The following USP50 variants were observed in gnomAD, a reference collection of about 807,000 sequenced individuals.
USP50 encodes the protein ubiquitin carboxyl-terminal hydrolase 50.
A neutral mutation model predicts 39.2 loss-of-function variants in USP50; 37 were observed. The observed-to-expected ratio is 0.94, with a 90% CI of 0.73 to 1.24. The LOEUF (loss-of-function observed/expected upper bound fraction) is 1.24. Ranked by LOEUF, USP50 falls within the 50% of genes most tolerant of loss-of-function variation. The pLI, the probability that USP50 is intolerant of heterozygous loss-of-function variation, is 0.00. For missense variants in USP50, 374 were observed against 398.2 expected, an observed-to-expected ratio of 0.94 and a Z score of 0.52; for synonymous variants, 139 against 144.5, an observed-to-expected ratio of 0.96 and a Z score of 0.27.
At chr15:50,516,705 G>T (rs2052806519) in intron 6 of USP50, among the ~76,000 whole-genome samples, 1 of 151,504 alleles carries the variant, frequency 6.6e-6, no homozygotes, top group African/African-American at 2.4e-5. Context: ...AATGGAAAGA[G>T]ATATTCCAGG....
At chr15:50,522,531 G>A (rs2052858265) in intron 6 of USP50, among the ~76,000 whole-genome samples, 1 of 152,066 alleles carries the variant, frequency 6.6e-6, no homozygotes, top group Non-Finnish European at 1.5e-5. Context: ...ATTTTATGAG[G>A]CCAGCAATAC....
intron 6 of USP50, among the ~76,000 whole-genome samples, chr15:50,524,903 C>T (rs2052876506): frequency 1.3e-5 from 2 of 151,460 alleles, no homozygotes; most frequent in Admixed American, 6.6e-5. Context: ...AAAAAAAAAA[C>T]CCTACCACCA....
intron 5 of USP50, among the ~76,000 whole-genome samples, chr15:50,538,273 CAA>C (rs766139797): frequency 7.1e-3 from 122 of 17,282 alleles, no homozygotes; most frequent in African/African-American, 0.015. Flanking sequence ...GAGACTGTCT[CAA>C]AAAAAAAAAA....
At position 50,541,205 on chromosome 15, in the gene USP50, CT is replaced by C; in HGVS notation, c.503del (p.Lys168SerfsTer25). 6.2e-7 allele frequency: 1 copy of C among 1,613,974 alleles called. No individual in the cohort carries two copies. Among genetic ancestry groups the C allele is most frequent in the Non-Finnish European group, 8.5e-7 (1 of 1,179,888 alleles). On this transcript the variant is annotated frameshift_variant, in exon 4 of 7. Coordinates refer to ENST00000532404, the MANE Select transcript of USP50 (RefSeq NM_203494.5). LOFTEE classifies it high-confidence loss of function. ...TGATGGATGTCTCAGTGGTAATCCA[CT>C]TCCTGCAGCATCTCTGAGTAGATCC... ...EKGSTQRCCR[K>X]WITTETSIIT... is the part of the protein sequence containing the mutation.
At chr15:50,493,571 A>T, downstream of USP50, 3 of 490,190 alleles carry the variant, frequency 6.1e-6, no homozygotes, top group Non-Finnish European at 1.2e-5. Flanking sequence ...CTGGGCAACA[A>T]GGCAAAACTC....
At chr15:50,512,892 T>A (rs2052755806) in intron 6 of USP50, 1 of 152,156 alleles carries the variant, frequency 6.6e-6, no homozygotes, top group South Asian at 2.1e-4. Flanking sequence ...TTTATTTAAG[T>A]TGGGAAACAA....
chr15:50,541,357 CAAA>C, intron 3 of USP50, 93 bp from the exon 4 acceptor site: 1 of 1,074,652 alleles, frequency 9.3e-7, no homozygotes, highest in Non-Finnish European at 1.3e-6. Flanking sequence ...ACAAAAAAAA[CAAA>C]AAATTAGCTA....
chr15:50,543,647 T>C lies in USP50; in HGVS notation c.395A>G (p.Gln132Arg). 1 of 1,613,812 alleles carries C rather than the reference T, an allele frequency of 6.2e-7. No individual in the cohort carries two copies. The change falls in exon 3 of 7, where the codon CAG becomes CGG. Residue 132 changes from glutamine to arginine, a missense_variant. Transcript: ENST00000532404. ...AFTKKMQQDA[Q>R]EFLICVLNEL... ...ATTTAGGACACAAATCAAGAATTCC[T>C]GAGCATCTTGTTGCATCTTTTTCGT...
chr15:50,515,468 C>T (rs2052795022), intron 6 of USP50, among the ~76,000 whole-genome samples: 1 of 152,054 alleles, frequency 6.6e-6, no homozygotes, highest in African/African-American at 2.4e-5. Context: ...TCTCGAACTC[C>T]TGATCTCAGA....
At chr15:50,495,118 A>C (rs2052325803) in intron 1 of USP50, among the ~76,000 whole-genome samples, 1 of 151,854 alleles carries the variant, frequency 6.6e-6, no homozygotes, top group Admixed American at 6.6e-5. Flanking sequence ...CCCTCCATTT[A>C]CATACTACAA....
chr15:50,493,092 G>A (rs777569679), downstream of USP50: 7 of 714,088 alleles, frequency 9.8e-6, no homozygotes, highest in African/African-American at 3.5e-5. Flanking sequence ...TCTAGGTGCC[G>A]GCATCTGGTG....
chr15:50,507,108 C>A (rs563861103), intron 6 of USP50: 1 of 152,144 alleles, frequency 6.6e-6, no homozygotes, highest in South Asian at 2.1e-4. Context: ...CATGGCAAAA[C>A]CCGGTCTCTA....
chr15:50,496,115 T>C (rs760332507), downstream of USP50: 1 of 1,523,000 alleles, frequency 6.6e-7, no homozygotes, highest in South Asian at 1.2e-5. Context: ...GAAAATGATT[T>C]ATTGGATAAA....
chr15:50,501,049 C>G, intron 6 of USP50: 1 of 498,588 alleles, frequency 2.0e-6, no homozygotes, highest in Non-Finnish European at 3.6e-6. Flanking sequence ...CATTGACTAT[C>G]ATCTGTGAAT....
At chr15:50,504,450 G>A (rs1379007586) in intron 6 of USP50, 2 of 152,328 alleles carry the variant, frequency 1.3e-5, no homozygotes, top group African/African-American at 4.8e-5. Flanking sequence ...CCTGAGCCCA[G>A]GAGGTCGAGG....
intron 6 of USP50, chr15:50,512,716 C>T (rs1028725982): frequency 6.6e-6 from 1 of 151,368 alleles, no homozygotes; most frequent in Non-Finnish European, 1.5e-5. Flanking sequence ...CATTTGAAAC[C>T]AGGGGGTGGA....
downstream of USP50, chr15:50,498,787 A>C: frequency 6.4e-7 from 1 of 1,561,970 alleles, no homozygotes; most frequent in East Asian, 2.3e-5. Flanking sequence ...AAAAAGTTTT[A>C]AGTGGTTTCC....
At chr15:50,540,953 C>T (rs780963764) in intron 4 of USP50, 96 bp downstream of exon 4, 25 of 891,912 alleles carry the variant, frequency 2.8e-5, no homozygotes, top group East Asian at 5.2e-5. Context: ...GTTATAAAGC[C>T]GTCTCTCATA....
chr15:50,499,169 C>T (rs1244153234), downstream of USP50: 2 of 1,374,184 alleles, frequency 1.5e-6, no homozygotes, highest in African/African-American at 2.9e-5. Flanking sequence ...ATAATGGTAG[C>T]TATAGCTGGC....
Sources: allele counts gnomAD v4.1 joint callset (sites outside exome capture counted in the v4.1 genomes callset), GRCh38; gene constraint gnomAD v4.1.1; transcripts MANE v1.5; gene names NCBI Gene and HGNC (gene_info 2026-07-23, HGNC 2026-07-21).